Variants in BICC1 observed in about 807,000 individuals in gnomAD.
BICC1 encodes the protein BicC family RNA binding protein 1, also known as protein bicaudal C homolog 1.
BICC1 carries 43 observed loss-of-function variants against 111.0 expected under a neutral mutation model. That is an observed-to-expected ratio of 0.39 (90% CI 0.30 to 0.50). The LOEUF (loss-of-function observed/expected upper bound fraction) is 0.50. Ranked by LOEUF, BICC1 falls within the 20% of genes least tolerant of loss-of-function variation. The pLI is 0.88. For synonymous variants in BICC1, 467 were observed against 434.4 expected, an observed-to-expected ratio of 1.07 and a Z score of -0.93; for missense variants, 1,091 against 1,203.2, an observed-to-expected ratio of 0.91 and a Z score of 1.38.
In BICC1 at chr10:58,817,617, A is replaced by G. The variant is rs756832385; in HGVS notation, c.2589A>G (p.Gly863=). The G allele has an allele frequency of 3.1e-5, 50 of 1,613,498 alleles. No individual in the cohort carries two copies. The highest frequency in any genetic ancestry group is 3.8e-5 in the Non-Finnish European group (45 of 1,179,670). The part of the protein sequence containing the change: ...NYMDCISSLT[G]SNGCNLNSSF... ...TGGACTGCATTTCCTCGCTGACAGGAAGCAATGGCTGTAACTTAAATAGCT... is the reference window on the plus strand; with the variant it reads ...TGGACTGCATTTCCTCGCTGACAGGGAGCAATGGCTGTAACTTAAATAGCT... The change falls in exon 19 of 21, where the codon GGA becomes GGG. Residue 863 remains glycine (G), a synonymous_variant. Transcript: ENST00000373886.
intron 1 of BICC1, among the ~76,000 whole-genome samples, chr10:58,539,350 G>A (rs1327471863): frequency 6.6e-6 from 1 of 151,470 alleles, no homozygotes; most frequent in South Asian, 2.1e-4. Flanking sequence ...ATATGCAAGG[G>A]CATACAGAGT....
At chr10:58,621,093 T>G (rs140783562) in intron 2 of BICC1, among the ~76,000 whole-genome samples, 192 bp downstream of exon 2, 97 of 152,136 alleles carry the variant, frequency 6.4e-4, no homozygotes, top group African/African-American at 2.2e-3. Flanking sequence ...CCAAGAAGGC[T>G]CCTTCCAGGG....
At chr10:58,802,400 G>C (rs1429503938) in intron 14 of BICC1, among the ~76,000 whole-genome samples, 1 of 152,192 alleles carries the variant, frequency 6.6e-6, no homozygotes, top group Non-Finnish European at 1.5e-5. Flanking sequence ...AACAGTACTT[G>C]ATTGATATTG....
At chr10:58,796,303 C>A (rs759157538) in intron 9 of BICC1, 37 bp from the exon 10 acceptor site, 24 of 1,582,338 alleles carry the variant, frequency 1.5e-5, no homozygotes, top group Non-Finnish European at 2.1e-5. Flanking sequence ...AGACTACTTG[C>A]ATGTCACCTT....
intron 2 of BICC1, among the ~76,000 whole-genome samples, chr10:58,693,275 T>G (rs1426141105): frequency 2.0e-5 from 3 of 152,180 alleles, no homozygotes; most frequent in Non-Finnish European, 4.4e-5. Context: ...GGACATTTAG[T>G]TTGGTTCCAA....
chr10:58,582,736 T>C (rs1195961933), intron 1 of BICC1, among the ~76,000 whole-genome samples: 2 of 152,176 alleles, frequency 1.3e-5, no homozygotes, highest in Admixed American at 6.5e-5. Flanking sequence ...TCTCCAGCTT[T>C]TGGAGGCCAC....
At chr10:58,553,071 G>T (rs1843342254) in intron 1 of BICC1, among the ~76,000 whole-genome samples, 1 of 151,904 alleles carries the variant, frequency 6.6e-6, no homozygotes, top group African/African-American at 2.4e-5. Flanking sequence ...ACCCCCATAG[G>T]GCTTGTTCAT....
intron 2 of BICC1, among the ~76,000 whole-genome samples, chr10:58,675,751 C>A (rs1839318823): frequency 6.6e-6 from 1 of 152,160 alleles, no homozygotes; most frequent in Admixed American, 6.5e-5. Flanking sequence ...TAAACATATA[C>A]CAAATCATTA....
At position 58,789,056 on chromosome 10, in the gene BICC1, A is replaced by G. The variant is rs116164522; in HGVS notation, c.601-206A>G. On this transcript the variant is annotated intron_variant, in intron 6 of 20. Transcript: ENST00000373886. ...TAGTGAGCTGGGATGATACCACTGCATGCCAGCCTGGGTGACGGAGCAAGA... is the reference window on the plus strand; with the variant it reads ...TAGTGAGCTGGGATGATACCACTGCGTGCCAGCCTGGGTGACGGAGCAAGA... 1.9e-3 allele frequency among the ~76,000 whole-genome samples: 295 copies of G among 152,212 alleles called. 1 individual carries two copies. Among genetic ancestry groups the G allele is most frequent in the African/African-American group, 6.9e-3 (288 of 41,544 alleles).
At chr10:58,623,449 G>T (rs539654560) in intron 2 of BICC1, among the ~76,000 whole-genome samples, 1 of 152,232 alleles carries the variant, frequency 6.6e-6, no homozygotes, top group African/African-American at 2.4e-5. Context: ...CTGTTTTGCT[G>T]CATGGGTTTG....
intron 20 of BICC1, among the ~76,000 whole-genome samples, chr10:58,822,008 T>C (rs1844264225): frequency 6.6e-6 from 1 of 152,160 alleles, no homozygotes; most frequent in Admixed American, 6.6e-5. Context: ...GATAATAGAG[T>C]AATTTTTAAA....
Position 58,702,762 on chromosome 10 carries a change from G to A in BICC1, c.307+619G>A, listed in dbSNP as rs541153436. 1.3e-3 allele frequency among the ~76,000 whole-genome samples: 201 copies of A among 152,232 alleles called. 2 individuals carry two copies. Among genetic ancestry groups the A allele is most frequent in the African/African-American group, 4.7e-3 (195 of 41,542 alleles). ...GTGACCTGCCAATATATATTTTTAT[G>A]GATAGTTTTTAAAGTATGACCTTAG... On this transcript the variant is annotated intron_variant, in intron 3 of 20. Coordinates refer to ENST00000373886, the MANE Select transcript of BICC1 (RefSeq NM_001080512.3).
At chr10:58,550,914 T>C (rs549368557) in intron 1 of BICC1, among the ~76,000 whole-genome samples, 2 of 152,276 alleles carry the variant, frequency 1.3e-5, no homozygotes, top group South Asian at 4.1e-4. Context: ...TGCTTGTGTG[T>C]TTGGGTGTTT....
At chr10:58,663,174 C>G (rs1838899977) in intron 2 of BICC1, among the ~76,000 whole-genome samples, 1 of 150,812 alleles carries the variant, frequency 6.6e-6, no homozygotes, top group Non-Finnish European at 1.5e-5. Context: ...TGACGCCATT[C>G]TCCTGCCTCA....
At position 58,566,316 on chromosome 10, in the gene BICC1, A is replaced by G. The variant is rs372383608; in HGVS notation, c.190+52983A>G. Among the ~76,000 whole-genome samples the G allele has an allele frequency of 2.3e-3, 347 of 152,076 alleles. 3 individuals carry two copies. The highest frequency in any genetic ancestry group is 3.4e-3 in the Middle Eastern group (1 of 292). Reference sequence around the variant, plus strand: ...TGTACACACACACCACATGGTGTGTATATATATATTCAATTATATATATAC... The same window carrying G: ...TGTACACACACACCACATGGTGTGTGTATATATATTCAATTATATATATAC... On this transcript the variant is annotated intron_variant, in intron 1 of 20. Coordinates refer to ENST00000373886, the MANE Select transcript of BICC1 (RefSeq NM_001080512.3).
At chr10:58,750,035 G>C (rs1841941354) in intron 3 of BICC1, among the ~76,000 whole-genome samples, 1 of 152,082 alleles carries the variant, frequency 6.6e-6, no homozygotes, top group Non-Finnish European at 1.5e-5. Flanking sequence ...TGTTTGACAT[G>C]GACTTTGAAG....
chr10:58,708,644 C>T (rs1030861972), intron 3 of BICC1, among the ~76,000 whole-genome samples: 2 of 152,130 alleles, frequency 1.3e-5, no homozygotes, highest in African/African-American at 4.8e-5. Context: ...TTACATAGCA[C>T]GTGAAGAAGC....
intron 3 of BICC1, among the ~76,000 whole-genome samples, chr10:58,723,634 A>G (rs1372320502): frequency 2.0e-5 from 3 of 152,174 alleles, no homozygotes; most frequent in Non-Finnish European, 2.9e-5. Flanking sequence ...GCACAGAGAG[A>G]ATTTCAAGCC....
chr10:58,578,385 C>G (rs556430340), intron 1 of BICC1, among the ~76,000 whole-genome samples: 3 of 152,224 alleles, frequency 2.0e-5, no homozygotes, highest in Admixed American at 2.0e-4. Flanking sequence ...TCTTTTCCAA[C>G]GTCGGGCCCA....
Sources: allele counts gnomAD v4.1 joint callset (sites outside exome capture counted in the v4.1 genomes callset), GRCh38; gene constraint gnomAD v4.1.1; transcripts MANE v1.5; gene names NCBI Gene and HGNC (gene_info 2026-07-23, HGNC 2026-07-21).